The following TECPR2 variants were observed in gnomAD, a reference collection of about 807,000 sequenced individuals.
TECPR2 encodes the protein tectonin beta-propeller repeat-containing protein 2.
In TECPR2, 65 loss-of-function variants were observed where a neutral mutation model predicts 138.1. That is an observed-to-expected ratio of 0.47 (90% CI 0.39 to 0.58). The LOEUF is 0.58. Ranked by LOEUF, TECPR2 falls within the 20% of genes least tolerant of loss-of-function variation. TECPR2 has a pLI of 0.00. For missense variants in TECPR2, 1,553 were observed against 1,824.5 expected (o/e 0.85, Z 2.71); for synonymous variants, 746 against 749.8 (o/e 0.99, Z 0.08).
chr14:102,412,667 G>A (rs1208051719), intron 4 of TECPR2, among the ~76,000 whole-genome samples: 6 of 150,604 alleles, frequency 4.0e-5, no homozygotes, highest in African/African-American at 1.5e-4. Flanking sequence ...AATAATTACA[G>A]CATTTCAAAT....
rs1447149764 is a variant in TECPR2, at chr14:102,376,865, C to G, written c.144C>G (p.Ile48Met). Residue 48 changes from isoleucine (I) to methionine (M), a missense_variant, in exon 2 of 20, where the codon ATC becomes ATG. Ile to Met is a conservative substitution (Grantham distance 10). Transcript: ENST00000359520. Reference protein sequence around the residue: ...LTALDTNGDYIAVGSSIGMLY... With the variant: ...LTALDTNGDYMAVGSSIGMLY... ...CCCTCGACACCAACGGGGACTACAT[C>G]GCGGTGGGCAGCAGCATCGGCATGC... is the stretch of plus-strand genomic sequence containing the variant. 1 of 1,614,194 alleles carries G rather than the reference C, an allele frequency of 6.2e-7. No individual in the cohort carries two copies. The highest frequency in any genetic ancestry group is 1.6e-4 in the Middle Eastern group (1 of 6,062).
intron 16 of TECPR2, among the ~76,000 whole-genome samples, chr14:102,455,074 T>C (rs1196613484): frequency 6.6e-6 from 1 of 152,166 alleles, no homozygotes; most frequent in East Asian, 1.9e-4. Context: ...GGGAGAAACC[T>C]GGCTTGAGTG....
rs191591187 is a variant in TECPR2, at chr14:102,431,575, C to A, written c.1085-221C>A. 6.7e-4 allele frequency among the ~76,000 whole-genome samples: 102 copies of A among 152,248 alleles called. 3 individuals carry two copies. In the East Asian group the frequency reaches 0.018, roughly 28 times the overall value. ...GCCAGGATGGTCTTGATCTCCTGAC[C>A]TTGTGATCCGCCCGCCTTGGCCTCC... On this transcript the variant is annotated intron_variant, in intron 7 of 19. Transcript: ENST00000359520.
intron 2 of TECPR2, among the ~76,000 whole-genome samples, chr14:102,382,378 G>A: frequency 6.6e-6 from 1 of 151,860 alleles, no homozygotes; most frequent in South Asian, 2.1e-4. Flanking sequence ...GGGTAAAAAA[G>A]ACATTACATA....
chr14:102,492,959 A>G (rs930009785), intron 17 of TECPR2, among the ~76,000 whole-genome samples: 1 of 152,190 alleles, frequency 6.6e-6, no homozygotes, highest in Non-Finnish European at 1.5e-5. Flanking sequence ...TTGCGAGGTG[A>G]TGGAGAGAAG....
At chr14:102,493,002 C>T (rs1285746544) in intron 17 of TECPR2, among the ~76,000 whole-genome samples, 3 of 152,200 alleles carry the variant, frequency 2.0e-5, no homozygotes, top group Non-Finnish European at 2.9e-5. Flanking sequence ...ATCCTCTGCC[C>T]GCTCACGAGC....
At chr14:102,413,800 T>G (rs950075981) in intron 4 of TECPR2, among the ~76,000 whole-genome samples, 29 of 150,740 alleles carry the variant, frequency 1.9e-4, no homozygotes, top group South Asian at 4.2e-4. Context: ...TAAAATATGG[T>G]TTTTTTTTCT....
chr14:102,432,903 C>T (rs938633920), intron 8 of TECPR2, among the ~76,000 whole-genome samples: 2 of 151,000 alleles, frequency 1.3e-5, no homozygotes, highest in Non-Finnish European at 2.9e-5. Flanking sequence ...ACTCGGGAGG[C>T]TGAGGCAGGA....
intron 11 of TECPR2, among the ~76,000 whole-genome samples, chr14:102,442,030 G>A (rs983774211): frequency 1.3e-5 from 2 of 152,196 alleles, no homozygotes; most frequent in Admixed American, 6.5e-5. Flanking sequence ...CCAGGCTGGA[G>A]TGTAGTGGCA....
intron 13 of TECPR2, among the ~76,000 whole-genome samples, chr14:102,448,438 A>G (rs1467469196): frequency 1.3e-5 from 2 of 152,218 alleles, no homozygotes; most frequent in African/African-American, 2.4e-5. Context: ...TCTGAGGTAT[A>G]TGAATGCTTT....
intron 17 of TECPR2, among the ~76,000 whole-genome samples, chr14:102,476,577 G>A (rs1890769171): frequency 6.6e-6 from 1 of 152,144 alleles, no homozygotes. Context: ...AAAATGTTCA[G>A]AGAATCAGTG....
intron 16 of TECPR2, among the ~76,000 whole-genome samples, chr14:102,455,558 G>C (rs118084968): frequency 6.7e-6 from 1 of 150,362 alleles, no homozygotes; most frequent in Middle Eastern, 3.4e-3. Flanking sequence ...AGCAATCCTC[G>C]CACCTCAGCC....
intron 17 of TECPR2, among the ~76,000 whole-genome samples, chr14:102,489,549 A>G (rs1004934957): frequency 1.3e-5 from 2 of 151,930 alleles, no homozygotes; most frequent in African/African-American, 4.8e-5. Flanking sequence ...TACTAAAAAT[A>G]CAAAAATTAG....
chr14:102,404,504 T>G (rs1888595515), intron 2 of TECPR2, among the ~76,000 whole-genome samples: 1 of 151,906 alleles, frequency 6.6e-6, no homozygotes, highest in African/African-American at 2.4e-5. Context: ...GAGAACAGCA[T>G]GATACATAAA....
chr14:102,372,369 G>A (rs977828688), intron 1 of TECPR2, among the ~76,000 whole-genome samples: 2 of 151,976 alleles, frequency 1.3e-5, no homozygotes, highest in African/African-American at 4.8e-5. Context: ...GGGTTCAAGC[G>A]ATTCTCCTGC....
At chr14:102,384,038 A>C (rs370320270) in intron 2 of TECPR2, among the ~76,000 whole-genome samples, 2 of 150,498 alleles carry the variant, frequency 1.3e-5, no homozygotes, top group African/African-American at 4.9e-5. Flanking sequence ...TTCTGCCTCA[A>C]TCTCCTGAGT....
intron 11 of TECPR2, among the ~76,000 whole-genome samples, chr14:102,442,667 T>A (rs1889866082): frequency 6.6e-6 from 1 of 152,210 alleles, no homozygotes; most frequent in Non-Finnish European, 1.5e-5. Flanking sequence ...CTCTGGAGAC[T>A]GCTCAGGAGT....
At position 102,440,456 on chromosome 14, in the gene TECPR2, G is replaced by A. The variant is rs200843101; in HGVS notation, c.2599G>A (p.Glu867Lys). 4.3e-5 allele frequency: 70 copies of A among 1,614,206 alleles called. No homozygotes were observed. The highest frequency in any genetic ancestry group is 1.2e-4 in the Admixed American group (7 of 60,022). ...SPSGALLWKIEQKSNRAFACG... is the reference protein window; with the variant it reads ...SPSGALLWKIKQKSNRAFACG... ...CATAGGAGCCCTTCTCTGGAAGATTGAACAGAAATCTAACCGGGCTTTTGC... is the reference window on the plus strand; with the variant it reads ...CATAGGAGCCCTTCTCTGGAAGATTAAACAGAAATCTAACCGGGCTTTTGC... The change falls in exon 11 of 20, where the codon GAA (glutamate) becomes AAA (lysine). Residue 867 changes from glutamate to lysine, a missense_variant. Transcript: ENST00000359520.
At chr14:102,425,403 C>A in intron 6 of TECPR2, 112 bp downstream of exon 6, 2 of 1,085,414 alleles carry the variant, frequency 1.8e-6, no homozygotes, top group Non-Finnish European at 1.2e-6. Context: ...TATTGACTTA[C>A]ACTTTACTTT....
Sources: allele counts gnomAD v4.1 joint callset (sites outside exome capture counted in the v4.1 genomes callset), GRCh38; gene constraint gnomAD v4.1.1; transcripts MANE v1.5; gene names NCBI Gene and HGNC (gene_info 2026-07-23, HGNC 2026-07-21).